Variants in ADAM12 observed in about 807,000 individuals in gnomAD.
ADAM12 encodes the protein ADAM metallopeptidase domain 12, also known as disintegrin and metalloproteinase domain-containing protein 12.
Under a neutral mutation model 106.4 loss-of-function variants are expected in ADAM12, and 70 were observed. The ratio of observed to expected loss-of-function variants is 0.66; its 90% confidence interval spans 0.54 to 0.80. The LOEUF is 0.80. Ranked by LOEUF, ADAM12 falls within the 30% of genes least tolerant of loss-of-function variation. ADAM12 has a pLI of 0.00. For missense variants in ADAM12, 1,010 were observed against 1,171.9 expected (o/e 0.86, Z 2.02); for synonymous variants, 420 against 433.5 (o/e 0.97, Z 0.39).
At chr10:126,089,936 C>A (rs537122326) in intron 11 of ADAM12, among the ~76,000 whole-genome samples, 4 of 152,124 alleles carry the variant, frequency 2.6e-5, no homozygotes, top group Non-Finnish European at 4.4e-5. Context: ...TCCTTCCAAC[C>A]TGCAATTTAT....
intron 3 of ADAM12, among the ~76,000 whole-genome samples, chr10:126,229,648 C>T (rs377473654): frequency 3.0e-5 from 4 of 132,756 alleles, no homozygotes; most frequent in Non-Finnish European, 4.7e-5. Context: ...CTCTTCCCCC[C>T]CACTGTCTCC....
intron 4 of ADAM12, 129 bp downstream of exon 4, chr10:126,155,098 C>T (rs1956789009): frequency 2.0e-6 from 2 of 978,974 alleles, no homozygotes; most frequent in South Asian, 3.0e-5. Flanking sequence ...AAGGGACACA[C>T]CAGCGCTTCT....
intron 1 of ADAM12, among the ~76,000 whole-genome samples, chr10:126,342,739 G>A (rs576461114): frequency 4.8e-4 from 73 of 152,176 alleles, no homozygotes; most frequent in Non-Finnish European, 8.8e-4. Flanking sequence ...ACACTGCCTT[G>A]GTTTAAAATC....
At chr10:126,153,660 A>G (rs547377679) in intron 4 of ADAM12, among the ~76,000 whole-genome samples, 82 of 151,106 alleles carry the variant, frequency 5.4e-4, no homozygotes, top group Middle Eastern at 6.8e-3. Context: ...GGCTTTTTGC[A>G]TTGTGTGGCT....
chr10:126,249,969 A>G (rs1486400453), intron 3 of ADAM12, among the ~76,000 whole-genome samples: 5 of 152,200 alleles, frequency 3.3e-5, no homozygotes, highest in Non-Finnish European at 7.3e-5. Context: ...ACAGGGACTC[A>G]TACACAATAA....
intron 1 of ADAM12, among the ~76,000 whole-genome samples, chr10:126,350,227 T>C (rs1394057926): frequency 6.6e-6 from 1 of 151,884 alleles, no homozygotes; most frequent in Non-Finnish European, 1.5e-5. Context: ...CCCTAAAGAT[T>C]ACTGTTCATG....
chr10:126,295,910 A>AC (rs1960354840), intron 2 of ADAM12, among the ~76,000 whole-genome samples: 16 of 148,280 alleles, frequency 1.1e-4, no homozygotes, highest in East Asian at 4.1e-4. Flanking sequence ...CACACACACA[A>AC]ACACACACAC....
At chr10:126,203,928 G>A (rs867447376) in intron 3 of ADAM12, among the ~76,000 whole-genome samples, 4 of 81,286 alleles carry the variant, frequency 4.9e-5, no homozygotes, top group South Asian at 3.5e-4. Context: ...CAGAGTGAGT[G>A]CGCGCGCGCG....
intron 11 of ADAM12, among the ~76,000 whole-genome samples, chr10:126,086,669 AAAAAAAAAAAAATATAT>A (rs1230094488): frequency 1.9e-4 from 11 of 58,916 alleles, no homozygotes; most frequent in African/African-American, 1.2e-3. Context: ...AAAAAAAAAA[AAAAAAAAAAAAATATAT>A]ATATATATAT....
In ADAM12 at chr10:126,279,723, G is replaced by A. The variant is rs531236658; in HGVS notation, c.187-735C>T. 2.5e-4 allele frequency among the ~76,000 whole-genome samples: 16 copies of A among 63,236 alleles called. No homozygotes were observed. The South Asian group carries it at 8.3e-3, about 33-fold the overall frequency. The allele number at this position is 63,236 out of a possible 152,430, so 41.5% of individuals were successfully genotyped here. A position where few individuals can be genotyped will look rare whatever the true frequency, so the allele number is the denominator to read the frequency against. ...GCCTGGGCAACAAGAGCGAAACTTC[G>A]TCTCAAAAAAACAAAAAAAGAAGAA... On this transcript the variant is annotated intron_variant, in intron 2 of 22. Transcript: ENST00000448723.
intron 3 of ADAM12, among the ~76,000 whole-genome samples, chr10:126,269,041 T>A (rs1282830631): frequency 2.0e-5 from 3 of 152,174 alleles, no homozygotes; most frequent in African/African-American, 7.2e-5. Context: ...TATTTCTTGA[T>A]GATATGCTAA....
At chr10:126,197,407 G>A (rs1213785506) in intron 3 of ADAM12, among the ~76,000 whole-genome samples, 1 of 152,214 alleles carries the variant, frequency 6.6e-6, no homozygotes, top group Non-Finnish European at 1.5e-5. Context: ...CAAGTTGAGG[G>A]TTTTGGTGAT....
chr10:126,200,406 A>G (rs1957676599), intron 3 of ADAM12, among the ~76,000 whole-genome samples: 1 of 152,230 alleles, frequency 6.6e-6, no homozygotes, highest in Non-Finnish European at 1.5e-5. Context: ...GAAATTGAAC[A>G]GTAACCAACA....
chr10:126,244,238 G>A (rs1205954092), intron 3 of ADAM12, among the ~76,000 whole-genome samples: 1 of 152,210 alleles, frequency 6.6e-6, no homozygotes, highest in Non-Finnish European at 1.5e-5. Flanking sequence ...GCCAGCCTCT[G>A]CCTTCATCTG....
chr10:126,382,800 GT>G (rs1856540029), intron 1 of ADAM12, among the ~76,000 whole-genome samples: 1 of 152,116 alleles, frequency 6.6e-6, no homozygotes, highest in Admixed American at 6.6e-5. Flanking sequence ...AACAAAAAAT[GT>G]TTAACAAGTA....
At chr10:126,225,357 G>T (rs1268323047) in intron 3 of ADAM12, among the ~76,000 whole-genome samples, 1 of 152,194 alleles carries the variant, frequency 6.6e-6, no homozygotes, top group Non-Finnish European at 1.5e-5. Flanking sequence ...AAAGCTGAAT[G>T]CTCTCTGCAA....
intron 21 of ADAM12, among the ~76,000 whole-genome samples, chr10:126,034,109 C>G (rs927380839): frequency 7.2e-5 from 11 of 152,066 alleles, no homozygotes; most frequent in Non-Finnish European, 1.3e-4. Flanking sequence ...GAAAAGCGAC[C>G]TAAAAGGTGA....
chr10:126,357,804 C>T (rs977603345), intron 1 of ADAM12, among the ~76,000 whole-genome samples: 1 of 152,154 alleles, frequency 6.6e-6, no homozygotes, highest in African/African-American at 2.4e-5. Context: ...AATTACCTCC[C>T]ACCAGGTCCC....
At chr10:126,153,528 T>A (rs12775560) in intron 4 of ADAM12, among the ~76,000 whole-genome samples, 2 of 152,196 alleles carry the variant, frequency 1.3e-5, no homozygotes, top group Non-Finnish European at 2.9e-5. Context: ...ATTTTCATTG[T>A]GGAATTTCTA....
Sources: allele counts gnomAD v4.1 joint callset (sites outside exome capture counted in the v4.1 genomes callset), GRCh38; gene constraint gnomAD v4.1.1; transcripts MANE v1.5; gene names NCBI Gene and HGNC (gene_info 2026-07-23, HGNC 2026-07-21).